The following NKD1 variants were observed in gnomAD, a reference collection of about 807,000 sequenced individuals.
NKD1 encodes protein naked cuticle homolog 1.
In NKD1, 21 loss-of-function variants were observed where a neutral mutation model predicts 56.0. The ratio of observed to expected loss-of-function variants is 0.38; its 90% CI spans 0.27 to 0.54. The LOEUF is 0.54. Among genes scored for constraint, NKD1 ranks in the 20% least tolerant of loss-of-function variants. The pLI, the probability that NKD1 is intolerant of heterozygous loss-of-function variation, is 0.82. For missense variants in NKD1, 578 were observed against 642.7 expected, an observed-to-expected ratio of 0.90 and a Z score of 1.09; for synonymous variants, 263 against 265.7, an observed-to-expected ratio of 0.99 and a Z score of 0.10.
chr16:50,549,850 T>C (rs1960338838), intron 3 of NKD1, among the ~76,000 whole-genome samples: 1 of 152,096 alleles, frequency 6.6e-6, no homozygotes, highest in Non-Finnish European at 1.5e-5. Flanking sequence ...GGGGGCCTGC[T>C]CTGACTTCTA....
chr16:50,603,001 C>G (rs940845781), intron 3 of NKD1, among the ~76,000 whole-genome samples: 2 of 152,180 alleles, frequency 1.3e-5, no homozygotes, highest in Admixed American at 6.5e-5. Context: ...GGCACTGGCT[C>G]GCCAGGCATT....
rs1314091706 is a variant in NKD1 at position 50,625,557 on chromosome 16, A to G, written c.439A>G (p.Asn147Asp). Residue 147 changes from asparagine to aspartate, a missense_variant, in exon 6 of 10, where the codon AAC becomes GAC. Coordinates refer to ENST00000268459, the MANE Select transcript of NKD1 (RefSeq NM_033119.5). ...GACCTTCACCCTGTATGACTTTGAC[A>G]ACAACGGCAAGGTCACCCGAGAGGT... ...EWTFTLYDFDNNGKVTREDIT... is the reference protein window; with the variant it reads ...EWTFTLYDFDDNGKVTREDIT... 1.2e-6 allele frequency: 2 copies of G among 1,613,126 alleles called. No individual in the cohort carries two copies. Among genetic ancestry groups the G allele is most frequent in the Non-Finnish European group, 1.7e-6 (2 of 1,179,100 alleles).
intron 6 of NKD1, among the ~76,000 whole-genome samples, chr16:50,626,811 G>A (rs1962226809): frequency 6.6e-6 from 1 of 152,154 alleles, no homozygotes; most frequent in South Asian, 2.1e-4. Flanking sequence ...TAGATCTGAG[G>A]TTACATGCAC....
intron 3 of NKD1, among the ~76,000 whole-genome samples, chr16:50,600,013 G>C (rs1203904488): frequency 1.3e-5 from 2 of 151,976 alleles, no homozygotes; most frequent in Non-Finnish European, 2.9e-5. Flanking sequence ...GCATCTCCTG[G>C]TGCCCACCTT....
At chr16:50,624,003 G>T (rs1390742958) in intron 5 of NKD1, among the ~76,000 whole-genome samples, 1 of 152,082 alleles carries the variant, frequency 6.6e-6, no homozygotes, top group Non-Finnish European at 1.5e-5. Flanking sequence ...CCCGAGAATT[G>T]CTGGAGGGAA....
At chr16:50,571,466 C>T (rs923721960) in intron 3 of NKD1, 7 of 985,264 alleles carry the variant, frequency 7.1e-6, no homozygotes, top group East Asian at 1.1e-4. Flanking sequence ...CACTCACTGC[C>T]GCTCACACAC....
At chr16:50,615,076 G>A (rs998966755) in intron 4 of NKD1, among the ~76,000 whole-genome samples, 3 of 152,174 alleles carry the variant, frequency 2.0e-5, no homozygotes, top group Admixed American at 6.5e-5. Context: ...GACTGAGAGT[G>A]GGGGATGAGT....
chr16:50,634,008 T>G lies in NKD1; in HGVS notation c.*227T>G, dbSNP rs1306357010. On this transcript the variant is annotated 3_prime_UTR_variant, in exon 10 of 10. Transcript: ENST00000268459. The stretch of plus-strand genomic sequence containing the variant: ...GCATAACTAGCCCAGGAAATGACTC[T>G]GGTTTTGAGTGGCCTGTAATGGGCA... 2.4e-6 allele frequency: 1 copy of G among 419,762 alleles called. No individual in the cohort carries two copies. The highest frequency in any genetic ancestry group is 2.1e-5 in the African/African-American group (1 of 48,334). The allele number at this position is 419,762 out of a possible 1,614,324, so 26.0% of individuals were successfully genotyped here.
intron 3 of NKD1, among the ~76,000 whole-genome samples, chr16:50,563,755 T>G (rs1960696754): frequency 1.4e-5 from 2 of 141,078 alleles, no homozygotes; most frequent in African/African-American, 5.4e-5. Context: ...TGTGTCAGGC[T>G]AAGCTCCATC....
intron 6 of NKD1, among the ~76,000 whole-genome samples, chr16:50,626,097 A>C (rs915492138): frequency 6.6e-6 from 1 of 152,248 alleles, no homozygotes; most frequent in Admixed American, 6.5e-5. Flanking sequence ...GTGGCTCTGC[A>C]GTCACAGCTC....
rs1049531976 is a variant in NKD1, at chr16:50,648,967, T to G, written c.*15186T>G. On this transcript the variant is annotated 3_prime_UTR_variant, in exon 10 of 10. Coordinates refer to ENST00000268459, the MANE Select transcript of NKD1 (RefSeq NM_033119.5). ...AGGACCAGGACCTCTATTCCAGGCT[T>G]GGACACCTACATTTAGACTATTATA... The G allele has an allele frequency of 5.3e-5, 8 of 152,228 alleles. No individual in the cohort carries two copies. Among genetic ancestry groups the G allele is most frequent in the African/African-American group, 1.9e-4 (8 of 41,460 alleles). The allele number at this position is 152,228 out of a possible 1,614,324, so 9.4% of individuals were successfully genotyped here.
In NKD1 at chr16:50,632,398, A is replaced by G. The variant is rs752233604; in HGVS notation, c.813A>G (p.Gln271=). 6.8e-6 allele frequency: 11 copies of G among 1,613,974 alleles called. No individual in the cohort carries two copies. The highest frequency in any genetic ancestry group is 1.7e-4 in the Middle Eastern group (1 of 6,060). The part of the protein sequence containing the change: ...DLAGIENYTS[Q]FGPGSPSVAQ... ...CCGGGATAGAAAACTACACGTCCCAATTTGGGCCTGGTAAGGGACTCAAGC... is the reference window on the plus strand; with the variant it reads ...CCGGGATAGAAAACTACACGTCCCAGTTTGGGCCTGGTAAGGGACTCAAGC... Residue 271 remains glutamine, a synonymous_variant, in exon 9 of 10, where the codon CAA becomes CAG. Transcript: ENST00000268459. This position sits in a 1 kb window ranked among gnomAD's most constrained non-coding sequence, Gnocchi z 4.1.
At chr16:50,591,878 A>G (rs978990397) in intron 3 of NKD1, among the ~76,000 whole-genome samples, 6 of 152,178 alleles carry the variant, frequency 3.9e-5, no homozygotes, top group Admixed American at 1.3e-4. Context: ...GCCTGGCTGA[A>G]CCAAGAAATA....
intron 6 of NKD1, among the ~76,000 whole-genome samples, chr16:50,627,479 G>A (rs542788684): frequency 1.9e-4 from 29 of 152,292 alleles, no homozygotes; most frequent in East Asian, 9.6e-4. Flanking sequence ...TCCTCCCACC[G>A]AGGAGCCAGG....
At chr16:50,569,976 C>T (rs1215104865) in intron 3 of NKD1, among the ~76,000 whole-genome samples, 4 of 152,076 alleles carry the variant, frequency 2.6e-5, no homozygotes, top group Non-Finnish European at 5.9e-5. Flanking sequence ...CAGCCTCTGT[C>T]GTGATGCAGC....
Position 50,633,151 on chromosome 16 carries a change from A to G in NKD1, c.824-41A>G. ...TGGGGTATAGCGCAAGCCCCAGCAC[A>G]CAGTAGGTGCTCATTAAATGTCTGT... On this transcript the variant is annotated intron_variant, in intron 9 of 9. Coordinates refer to ENST00000268459, the MANE Select transcript of NKD1 (RefSeq NM_033119.5). This position sits in a 1 kb window ranked among gnomAD's most constrained non-coding sequence, Gnocchi z 4.9. 3 of 1,542,784 alleles carry G rather than the reference A, an allele frequency of 1.9e-6. No homozygotes were observed. The highest frequency in any genetic ancestry group is 2.6e-6 in the Non-Finnish European group (3 of 1,135,054).
At position 50,643,437 on chromosome 16, in the gene NKD1, ACTCC is replaced by A. The variant is rs1962618768; in HGVS notation, c.*9657_*9660del. ...CAGTCCTACTCCGTTGTCTGCCATT[ACTCC>A]AGCCAAGTCCAGGGACACGTGAGGC... On this transcript the variant is annotated 3_prime_UTR_variant, in exon 10 of 10. Transcript: ENST00000268459. 1 of 152,094 alleles carries A rather than the reference ACTCC, an allele frequency of 6.6e-6. No individual in the cohort carries two copies. The allele number at this position is 152,094 out of a possible 1,614,324, so 9.4% of individuals were successfully genotyped here.
chr16:50,607,225 A>G (rs1961732344), intron 3 of NKD1: 1 of 349,546 alleles, frequency 2.9e-6, no homozygotes. Flanking sequence ...AAAAACAAAA[A>G]AAAGCAAGAG....
At chr16:50,568,309 G>A (rs1410079243) in intron 3 of NKD1, among the ~76,000 whole-genome samples, 2 of 152,200 alleles carry the variant, frequency 1.3e-5, no homozygotes, top group East Asian at 3.9e-4. Context: ...AACCAGGACC[G>A]CATATCAGAG....
Sources: allele counts gnomAD v4.1 joint callset (sites outside exome capture counted in the v4.1 genomes callset), GRCh38; gene constraint gnomAD v4.1.1; non-coding constraint Gnocchi (gnomAD v3.1); transcripts MANE v1.5; gene names NCBI Gene and HGNC (gene_info 2026-07-23, HGNC 2026-07-21).